OSBPL10: variants seen among roughly 807,000 people sequenced by gnomAD.
The protein encoded by OSBPL10 is oxysterol-binding protein-related protein 10.
In OSBPL10, 49 loss-of-function variants were observed where a neutral mutation model predicts 81.7. The observed-to-expected ratio is 0.60, with a 90% CI of 0.48 to 0.76. OSBPL10 has a LOEUF of 0.76. Ranked by LOEUF, OSBPL10 falls within the 30% of genes least tolerant of loss-of-function variation. OSBPL10 has a pLI of 0.00. For missense variants in OSBPL10, 923 were observed against 987.8 expected (o/e 0.93, Z 0.88); for synonymous variants, 419 against 383.6 (o/e 1.09, Z -1.08).
intron 1 of OSBPL10, among the ~76,000 whole-genome samples, chr3:31,911,405 G>A (rs1696573594): frequency 6.6e-6 from 1 of 152,092 alleles, no homozygotes. Context: ...GGCCGCTGGT[G>A]GTTCTGAGCA....
At chr3:31,879,510 G>A in intron 2 of OSBPL10, 145 bp downstream of exon 2, 1 of 761,872 alleles carries the variant, frequency 1.3e-6, no homozygotes, top group East Asian at 2.9e-5. Context: ...CCAGGGATAA[G>A]AGAGGCAATG....
intron 4 of OSBPL10, among the ~76,000 whole-genome samples, chr3:31,769,468 AACAAAAAAAAAC>A (rs1698306451): frequency 2.0e-5 from 2 of 97,578 alleles, no homozygotes; most frequent in African/African-American, 7.0e-5. Flanking sequence ...ACAAAAAAAA[AACAAAAAAAAAC>A]AGAATAAAAA....
intron 4 of OSBPL10, among the ~76,000 whole-genome samples, chr3:31,808,208 C>T (rs1399352095): frequency 6.6e-6 from 1 of 152,148 alleles, no homozygotes; most frequent in Non-Finnish European, 1.5e-5. Flanking sequence ...CCTGTCATCC[C>T]AGCAGGTTTG....
At chr3:31,677,420 C>G (rs1700507204) in intron 8 of OSBPL10, among the ~76,000 whole-genome samples, 1 of 152,192 alleles carries the variant, frequency 6.6e-6, no homozygotes, top group African/African-American at 2.4e-5. Context: ...CAGGCCCACC[C>G]ACAGCAGGAA....
In OSBPL10 at chr3:31,981,056, T is replaced by C. The variant is rs1477793709; in HGVS notation, c.124A>G (p.Ser42Gly). ...SCSLAGRGVS[S>G]RSAAAGLGGG... ...CCGAGCCCGGCCGCCGCCGACCGGC[T>C]GGAGACCCCCCGGCCCGCCAGAGAG... The change falls in exon 1 of 12, where the codon AGC (serine) becomes GGC (glycine). Residue 42 changes from serine to glycine, a missense_variant. Ser to Gly is a moderately conservative substitution (Grantham distance 56, BLOSUM62 0). Transcript: ENST00000396556. The surrounding 1 kb of genome is among the most constrained non-coding windows in gnomAD (Gnocchi z 4.5). 3.4e-6 allele frequency: 5 copies of C among 1,487,448 alleles called. No homozygotes were observed. The South Asian group carries it at 6.4e-5, about 19-fold the overall frequency. 92.1% of individuals were successfully genotyped at this position (1,487,448 alleles called of 1,614,324 possible). A position where few individuals can be genotyped will look rare whatever the true frequency, so the allele number is the denominator to read the frequency against.
At chr3:31,684,628 G>A (rs971817927) in intron 7 of OSBPL10, among the ~76,000 whole-genome samples, 17 of 152,184 alleles carry the variant, frequency 1.1e-4, no homozygotes, top group African/African-American at 3.9e-4. Flanking sequence ...GTGTGCACTG[G>A]GAGGCCTCGG....
At chr3:31,906,607 T>A (rs1291499644) in intron 1 of OSBPL10, among the ~76,000 whole-genome samples, 1 of 152,124 alleles carries the variant, frequency 6.6e-6, no homozygotes, top group Non-Finnish European at 1.5e-5. Flanking sequence ...CAATTCCCAA[T>A]CAATCAGGAT....
At chr3:31,990,987 C>G (rs781574347) in intron 2 of OSBPL10, 4 of 1,555,132 alleles carry the variant, frequency 2.6e-6, no homozygotes, top group Non-Finnish European at 3.5e-6. Context: ...AGAGGTCACT[C>G]CTTGCAAAAC....
chr3:31,969,430 G>A (rs1019818624), intron 1 of OSBPL10: 3 of 152,256 alleles, frequency 2.0e-5, no homozygotes, highest in African/African-American at 7.2e-5. Context: ...GGTTTTGGAA[G>A]AGGAAAAACC....
intron 3 of OSBPL10, among the ~76,000 whole-genome samples, chr3:31,831,831 T>C (rs1700250723): frequency 6.6e-6 from 1 of 152,154 alleles, no homozygotes; most frequent in Admixed American, 6.5e-5. Flanking sequence ...CCATCACAGA[T>C]ACAAACACAT....
chr3:31,926,585 C>T (rs1375393230), intron 1 of OSBPL10, among the ~76,000 whole-genome samples: 1 of 152,116 alleles, frequency 6.6e-6, no homozygotes, highest in Non-Finnish European at 1.5e-5. Flanking sequence ...TAAGCATATT[C>T]AGAAAGCCAC....
intron 5 of OSBPL10, among the ~76,000 whole-genome samples, chr3:31,739,826 T>C (rs1201871334): frequency 2.0e-5 from 3 of 152,274 alleles, no homozygotes; most frequent in Non-Finnish European, 4.4e-5. Flanking sequence ...AGACACTGTC[T>C]TTATGTAAAC....
Position 31,782,824 on chromosome 3 carries a change from T to A in OSBPL10, c.730-34704A>T, listed in dbSNP as rs138875405. Among the ~76,000 whole-genome samples the A allele has an allele frequency of 8.2e-3, 1,249 of 152,130 alleles. 10 individuals carry two copies. Among genetic ancestry groups the A allele is most frequent in the Non-Finnish European group, 0.01 (707 of 67,992 alleles). On this transcript the variant is annotated intron_variant, in intron 4 of 11. Transcript: ENST00000396556. ...ATGGATGTGGTGAAAAGGAAACACT[T>A]TTACACTGCTGGTGAGAACGTCAAC...
At chr3:31,834,345 A>C (rs1230406834) in intron 3 of OSBPL10, among the ~76,000 whole-genome samples, 3 of 152,214 alleles carry the variant, frequency 2.0e-5, no homozygotes, top group African/African-American at 7.2e-5. Flanking sequence ...AGTCGAGAGC[A>C]AGTTTCTTCA....
At chr3:31,867,120 G>C (rs747280137) in intron 3 of OSBPL10, among the ~76,000 whole-genome samples, 1 of 152,104 alleles carries the variant, frequency 6.6e-6, no homozygotes, top group Non-Finnish European at 1.5e-5. Flanking sequence ...CACAGATGAA[G>C]ATTCACAGGG....
In OSBPL10 at chr3:32,026,054, AGATGATAGATAG is replaced by A. The variant is rs1175796584; in HGVS notation, n.298+20425_298+20436del. Among the ~76,000 whole-genome samples the A allele has an allele frequency of 2.3e-3, 254 of 109,550 alleles. 5 individuals are homozygous for A. In the East Asian group the frequency reaches 0.058, roughly 25 times the overall value. 71.9% of individuals were successfully genotyped at this position (109,550 alleles called of 152,430 possible). A position where few individuals can be genotyped will look rare whatever the true frequency, so the allele number is the denominator to read the frequency against. On this transcript the variant is annotated intron_variant and non_coding_transcript_variant, in intron 2 of 3. Coordinates refer to the OSBPL10 transcript ENST00000479173. ...TAGATAGATAGATAGATAGATAGAT[AGATGATAGATAG>A]ATAGATAGATAGATAGATAGATAGA...
rs554821210 is a variant in OSBPL10 at position 31,698,453 on chromosome 3, A to C, written c.1245+3906T>G. On this transcript the variant is annotated intron_variant, in intron 7 of 11. Coordinates refer to ENST00000396556, the MANE Select transcript of OSBPL10 (RefSeq NM_017784.5). The stretch of plus-strand genomic sequence containing the variant: ...GTGATAGAGCGAGACTCCATCTCAA[A>C]AATATAAAATAAAAATAAAACAAAA... Among the ~76,000 whole-genome samples, 282 of 150,044 alleles carry C rather than the reference A, an allele frequency of 1.9e-3. 2 individuals are homozygous for C. The highest frequency in any genetic ancestry group is 6.7e-3 in the African/African-American group (274 of 41,188).
At chr3:32,037,653 A>AAAAAAG (rs1699533183) in intron 2 of OSBPL10, 1 of 180,620 alleles carries the variant, frequency 5.5e-6, no homozygotes, top group South Asian at 1.2e-4. Context: ...GAGATATAAG[A>AAAAAAG]AAAAAGAAAA....
At chr3:31,995,871 G>C (rs1011850389) in intron 2 of OSBPL10, among the ~76,000 whole-genome samples, 4 of 152,178 alleles carry the variant, frequency 2.6e-5, no homozygotes, top group African/African-American at 9.7e-5. Context: ...CAGTTAGTGT[G>C]ATCAATGCAG....
Sources: gnomAD v4.1 joint callset for allele counts (sites outside exome capture counted in the v4.1 genomes callset) on GRCh38, gnomAD v4.1.1 for gene constraint, Gnocchi (gnomAD v3.1) non-coding constraint, MANE v1.5 for transcripts, NCBI Gene and HGNC (gene_info 2026-07-23, HGNC 2026-07-21) for gene names.